The following TMIGD3 variants were observed in gnomAD, a reference collection of about 807,000 sequenced individuals.
The protein encoded by TMIGD3 is transmembrane and immunoglobulin domain containing 3.
TMIGD3 carries 21 observed loss-of-function variants against 28.1 expected under a neutral mutation model. That is an observed-to-expected ratio of 0.75 (90% CI 0.53 to 1.08). The LOEUF (loss-of-function observed/expected upper bound fraction) is 1.08, where lower values mean the gene tolerates loss of function less well. Ranked by LOEUF, TMIGD3 falls within the 50% of genes least tolerant of loss-of-function variation. The pLI is 0.00. For missense variants in TMIGD3, 416 were observed against 435.6 expected (o/e 0.96, Z 0.40); for synonymous variants, 151 against 162.1 (o/e 0.93, Z 0.52).
chr1:111,528,271 T>A (rs956109635), intron 1 of TMIGD3, among the ~76,000 whole-genome samples: 12 of 152,232 alleles, frequency 7.9e-5, no homozygotes, highest in African/African-American at 2.7e-4. Context: ...CTATCTTTCT[T>A]ACAATGGAGA....
At position 111,495,489 on chromosome 1, in the gene TMIGD3, A is replaced by C. The variant is rs1476006974; in HGVS notation, c.351-4727T>G. On this transcript the variant is annotated intron_variant, in intron 1 of 5. Coordinates refer to ENST00000369716, the MANE Select transcript of TMIGD3 (RefSeq NM_020683.7). ...GAGATACCAGTGAAGCTGCAGAGAA[A>C]AGAGAACACTTATACGCTGTTGGTG... 2.6e-5 allele frequency among the ~76,000 whole-genome samples: 4 copies of C among 152,366 alleles called. No individual in the cohort carries two copies. In the East Asian group the frequency reaches 7.7e-4, roughly 29 times the overall value.
chr1:111,562,836 G>A (rs1265020913), intron 1 of TMIGD3, among the ~76,000 whole-genome samples: 3 of 152,156 alleles, frequency 2.0e-5, no homozygotes, highest in Non-Finnish European at 4.4e-5. Context: ...TTTGCTTTTA[G>A]TTCTCAATCA....
At chr1:111,514,191 TGCAACTC>T (rs1435195440) in intron 1 of TMIGD3, among the ~76,000 whole-genome samples, 1 of 152,128 alleles carries the variant, frequency 6.6e-6, no homozygotes, top group Admixed American at 6.5e-5. Context: ...AAGCAATAGG[TGCAACTC>T]GCCATTTCAG....
chr1:111,556,237 A>C (rs1462598261), intron 1 of TMIGD3, among the ~76,000 whole-genome samples: 1 of 152,228 alleles, frequency 6.6e-6, no homozygotes, highest in East Asian at 1.9e-4. Context: ...TACACTTATA[A>C]GTATGGCTAT....
chr1:111,508,017 G>A (rs1016143329), upstream of TMIGD3, among the ~76,000 whole-genome samples: 1 of 152,238 alleles, frequency 6.6e-6, no homozygotes, highest in African/African-American at 2.4e-5. Context: ...CCAATCCAAG[G>A]AGCCCAAGAC....
At chr1:111,518,607 C>T (rs554455714) in intron 1 of TMIGD3, among the ~76,000 whole-genome samples, 1 of 152,184 alleles carries the variant, frequency 6.6e-6, no homozygotes, top group Non-Finnish European at 1.5e-5. Flanking sequence ...AGCGATTTTC[C>T]CAAGGTCACA....
intron 1 of TMIGD3, among the ~76,000 whole-genome samples, chr1:111,509,560 C>T (rs1050901984): frequency 2.0e-5 from 3 of 152,194 alleles, no homozygotes; most frequent in Non-Finnish European, 4.4e-5. Context: ...CTACTGATCC[C>T]AAATGTTTAC....
In TMIGD3 at chr1:111,550,079, G is replaced by A. The variant is rs370682195; in HGVS notation, c.107+13767C>T. ...GTACTTTGTGTGTTTTTAGAAATTTGTCCATTTTCTCTAGATTATAAAATT... is the reference window on the plus strand; with the variant it reads ...GTACTTTGTGTGTTTTTAGAAATTTATCCATTTTCTCTAGATTATAAAATT... On this transcript the variant is annotated intron_variant, in intron 1 of 5. Transcript: ENST00000369717. Among the ~76,000 whole-genome samples, 6 of 152,078 alleles carry A rather than the reference G, an allele frequency of 3.9e-5. No individual in the cohort carries two copies. In the East Asian group the frequency reaches 7.7e-4, roughly 19 times the overall value.
At chr1:111,529,996 G>A (rs1212574659) in intron 1 of TMIGD3, among the ~76,000 whole-genome samples, 19 of 103,440 alleles carry the variant, frequency 1.8e-4, no homozygotes, top group Non-Finnish European at 2.0e-5. Context: ...GCCGGGCGGG[G>A]CGCTGACCCC....
intron 1 of TMIGD3, among the ~76,000 whole-genome samples, chr1:111,515,854 C>G (rs376576395): frequency 6.6e-6 from 1 of 152,206 alleles, no homozygotes; most frequent in African/African-American, 2.4e-5. Context: ...CTCCGGGAGC[C>G]GGGGAGGCCG....
At chr1:111,515,929 G>A (rs1306142506) in intron 1 of TMIGD3, among the ~76,000 whole-genome samples, 1 of 152,198 alleles carries the variant, frequency 6.6e-6, no homozygotes, top group African/African-American at 2.4e-5. Context: ...TGGAGGAACT[G>A]ACCGCGGCGT....
chr1:111,488,734 C>T lies in TMIGD3; in HGVS notation c.748G>A (p.Glu250Lys), dbSNP rs747645559. 6.2e-7 allele frequency: 1 copy of T among 1,614,212 alleles called. No homozygotes were observed. The highest frequency in any genetic ancestry group is 1.1e-5 in the South Asian group (1 of 91,084). The stretch of plus-strand genomic sequence containing the variant: ...CCTTTGTCGTCAGTTACAATCAGCT[C>T]TGTAAAATCCATGTCATCCCTGGCA... ...DFARDDMDFTELIVTDDKGTL... is the reference protein window; with the variant it reads ...DFARDDMDFTKLIVTDDKGTL... The change falls in exon 3 of 6, where the codon GAG becomes AAG. Residue 250 changes from glutamate to lysine, a missense_variant. By Grantham distance (56) the Glu-to-Lys change is moderately conservative. Transcript: ENST00000369716.
intron 1 of TMIGD3, among the ~76,000 whole-genome samples, chr1:111,551,278 A>G (rs1315486030): frequency 6.6e-6 from 1 of 152,092 alleles, no homozygotes. Context: ...CCATTTTGCT[A>G]TGTATTATGT....
chr1:111,548,692 C>T (rs1657132173), intron 1 of TMIGD3, among the ~76,000 whole-genome samples: 1 of 152,178 alleles, frequency 6.6e-6, no homozygotes, highest in South Asian at 2.1e-4. Context: ...TGGTCTGCCA[C>T]CGTAGGCTTC....
intron 1 of TMIGD3, chr1:111,500,877 C>G (rs544421530): frequency 4.4e-6 from 2 of 450,894 alleles, no homozygotes; most frequent in South Asian, 1.4e-4. Context: ...ACTCAGGGCT[C>G]CACTTACTGA....
upstream of TMIGD3, among the ~76,000 whole-genome samples, chr1:111,504,496 A>G (rs974356560): frequency 6.6e-6 from 1 of 152,140 alleles, no homozygotes. Context: ...CTTGCACGCC[A>G]TTGTTATTTG....
intron 1 of TMIGD3, among the ~76,000 whole-genome samples, chr1:111,522,839 T>C (rs927111617): frequency 1.3e-5 from 2 of 152,162 alleles, no homozygotes. Flanking sequence ...AATTTCAGTG[T>C]CTCATGTTCA....
At chr1:111,528,521 T>G (rs1351525843) in intron 1 of TMIGD3, among the ~76,000 whole-genome samples, 1 of 152,210 alleles carries the variant, frequency 6.6e-6, no homozygotes, top group Non-Finnish European at 1.5e-5. Context: ...GTATAAATTT[T>G]GGAATCAGTT....
At chr1:111,489,966 G>A (rs1654577775) in intron 2 of TMIGD3, among the ~76,000 whole-genome samples, 1 of 152,164 alleles carries the variant, frequency 6.6e-6, no homozygotes, top group African/African-American at 2.4e-5. Flanking sequence ...CAGCCTTCCA[G>A]AAGTATAGCA....
Sources: allele counts gnomAD v4.1 joint callset (sites outside exome capture counted in the v4.1 genomes callset), GRCh38; gene constraint gnomAD v4.1.1; transcripts MANE v1.5; gene names NCBI Gene and HGNC (gene_info 2026-07-23, HGNC 2026-07-21).